USP12: variants seen among roughly 807,000 people sequenced by gnomAD.
USP12 encodes ubiquitin specific peptidase 12.
A neutral mutation model predicts 45.5 loss-of-function variants in USP12; 19 were observed. The ratio of observed to expected loss-of-function variants is 0.42; its 90% CI spans 0.29 to 0.61. USP12 has a LOEUF of 0.61. USP12 is among the 20% of genes least tolerant of loss of function. USP12 has a pLI of 0.22. For synonymous variants in USP12, 149 were observed against 148.8 expected (o/e 1.00, Z -0.01); for missense variants, 242 against 447.7 (o/e 0.54, Z 4.15).
In USP12 at chr13:27,171,789, G is replaced by C. The variant is rs1437668539; in HGVS notation, c.-150C>G. The stretch of plus-strand genomic sequence containing the variant: ...AGCCCGCTGGGCCGCCGCTGCCGTC[G>C]TCGCCGCCGGCGCTCAGGCACTCCC... On this transcript the variant is annotated 5_prime_UTR_variant, in exon 1 of 9. Coordinates refer to ENST00000282344, the MANE Select transcript of USP12 (RefSeq NM_182488.4). 3 of 262,344 alleles carry C rather than the reference G, an allele frequency of 1.1e-5. No homozygotes were observed. The highest frequency in any genetic ancestry group is 1.8e-5 in the Non-Finnish European group (3 of 169,284). The allele number at this position is 262,344 out of a possible 1,614,324, so 16.3% of individuals were successfully genotyped here.
chr13:27,093,594 A>G (rs1202763285), intron 4 of USP12, among the ~76,000 whole-genome samples: 3 of 152,238 alleles, frequency 2.0e-5, no homozygotes. Context: ...TCGTACAGCC[A>G]CTGTGGAAGA....
chr13:27,093,881 A>G (rs938156682), intron 4 of USP12, among the ~76,000 whole-genome samples: 1 of 152,234 alleles, frequency 6.6e-6, no homozygotes, highest in Non-Finnish European at 1.5e-5. Context: ...TTAAAAAGAC[A>G]TGGAAGAACC....
intron 1 of USP12, among the ~76,000 whole-genome samples, chr13:27,157,505 A>AT (rs1269883762): frequency 6.6e-6 from 1 of 152,144 alleles, no homozygotes; most frequent in African/African-American, 2.4e-5. Context: ...TACAAATGTG[A>AT]TTTTTAACAA....
chr13:27,123,046 C>T (rs890498134), intron 1 of USP12, among the ~76,000 whole-genome samples: 1 of 150,042 alleles, frequency 6.7e-6, no homozygotes, highest in Non-Finnish European at 1.5e-5. Flanking sequence ...GAGCCGAGAT[C>T]GCACCACTGC....
intron 3 of USP12, among the ~76,000 whole-genome samples, chr13:27,097,749 G>GT (rs1874658374): frequency 6.6e-6 from 1 of 152,110 alleles, no homozygotes; most frequent in Admixed American, 6.5e-5. Context: ...ACAACAATAG[G>GT]TTTTGTATTC....
intron 6 of USP12, among the ~76,000 whole-genome samples, chr13:27,082,469 T>G (rs1248268776): frequency 6.6e-6 from 1 of 152,228 alleles, no homozygotes; most frequent in Non-Finnish European, 1.5e-5. Flanking sequence ...AACTTCTCCA[T>G]TTGGCAATAA....
chr13:27,134,334 T>G (rs1443797590), intron 1 of USP12, among the ~76,000 whole-genome samples: 1 of 152,194 alleles, frequency 6.6e-6, no homozygotes, highest in African/African-American at 2.4e-5. Flanking sequence ...CACATTTGGC[T>G]TGCCATATAA....
chr13:27,082,717 T>A (rs1380981452), intron 6 of USP12, among the ~76,000 whole-genome samples: 1 of 152,192 alleles, frequency 6.6e-6, no homozygotes, highest in African/African-American at 2.4e-5. Flanking sequence ...ATTGTAAGGT[T>A]ATTAATTGGC....
In USP12 at chr13:27,067,957, C is replaced by G. The variant is rs1420000583; in HGVS notation, c.*1326G>C. Reference sequence around the variant, plus strand: ...CTTAAAACCCCCAACAGAATGAAGTCTTAGCAAACACAGATTTTAATTTCT... The same window carrying G: ...CTTAAAACCCCCAACAGAATGAAGTGTTAGCAAACACAGATTTTAATTTCT... On this transcript the variant is annotated 3_prime_UTR_variant, in exon 9 of 9. Coordinates refer to ENST00000282344, the MANE Select transcript of USP12 (RefSeq NM_182488.4). 5.9e-5 allele frequency: 9 copies of G among 152,080 alleles called. No individual in the cohort carries two copies. The highest frequency in any genetic ancestry group is 1.5e-5 in the Non-Finnish European group (1 of 68,022). The allele number at this position is 152,080 out of a possible 1,614,324, so 9.4% of individuals were successfully genotyped here.
chr13:27,120,278 C>G (rs569028847), intron 1 of USP12, among the ~76,000 whole-genome samples: 1 of 152,110 alleles, frequency 6.6e-6, no homozygotes, highest in Admixed American at 6.6e-5. Flanking sequence ...TTGAGAAGTA[C>G]GACCCTATCA....
At chr13:27,080,543 G>A (rs1873703446) in intron 6 of USP12, among the ~76,000 whole-genome samples, 1 of 152,140 alleles carries the variant, frequency 6.6e-6, no homozygotes, top group Non-Finnish European at 1.5e-5. Context: ...TCCCAGAAGT[G>A]GGGTCAGGCA....
intron 1 of USP12, 33 bp downstream of exon 1, chr13:27,171,559 G>T: frequency 8.3e-7 from 1 of 1,203,078 alleles, no homozygotes; most frequent in Non-Finnish European, 1.1e-6. Flanking sequence ...GAGAGGTCCC[G>T]GCAGCCCCGG....
At chr13:27,104,402 T>G (rs1875029948) in intron 3 of USP12, among the ~76,000 whole-genome samples, 1 of 152,016 alleles carries the variant, frequency 6.6e-6, no homozygotes, top group Non-Finnish European at 1.5e-5. Context: ...ATACATAAAT[T>G]TTCCACAAGG....
chr13:27,070,217 A>G (rs1444516181), intron 8 of USP12, among the ~76,000 whole-genome samples: 1 of 152,354 alleles, frequency 6.6e-6, no homozygotes, highest in South Asian at 2.1e-4. Context: ...AAATCATGCT[A>G]TGTGAGTCCA....
chr13:27,072,721 C>T lies in USP12; in HGVS notation c.933-1572G>A, dbSNP rs534496839. ...GAAGGGAGAGAGGGATGGGAAATCA[C>T]GAAATGGTGCCCAGTTTTGACATGG... On this transcript the variant is annotated intron_variant, in intron 7 of 8. Transcript: ENST00000282344. Among the ~76,000 whole-genome samples, 10 of 152,180 alleles carry T rather than the reference C, an allele frequency of 6.6e-5. No individual in the cohort carries two copies. The East Asian group carries it at 7.7e-4, about 12-fold the overall frequency.
At chr13:27,165,255 GAGAA>G (rs1878300937) in intron 1 of USP12, among the ~76,000 whole-genome samples, 1 of 152,014 alleles carries the variant, frequency 6.6e-6, no homozygotes, top group African/African-American at 2.4e-5. Context: ...ATTCAAAATA[GAGAA>G]AGAAGACAAT....
Position 27,079,262 on chromosome 13 carries a change from C to A in USP12, c.735-3874G>T, listed in dbSNP as rs1214714492. Among the ~76,000 whole-genome samples the A allele has an allele frequency of 1.4e-4, 21 of 151,938 alleles. 1 individual carries two copies. In the South Asian group the frequency reaches 3.8e-3, roughly 27 times the overall value. ...GAGGGAAGGAAACCAGGTAAGGATT[C>A]AATCTCAAGCAAAATCCCAGGAAGA... On this transcript the variant is annotated intron_variant, in intron 6 of 8. Coordinates refer to ENST00000282344, the MANE Select transcript of USP12 (RefSeq NM_182488.4).
In USP12 at chr13:27,087,598, C is replaced by T. The variant is rs534105174; in HGVS notation, c.734+2285G>A. On this transcript the variant is annotated intron_variant, in intron 6 of 8. Transcript: ENST00000282344. ...CACTAAGCGGGCTCAGGAACAATGA[C>T]ATCCCAATAGCAACGAGCACAACTG... Among the ~76,000 whole-genome samples the T allele has an allele frequency of 1.6e-4, 24 of 152,334 alleles. 1 individual carries two copies. The South Asian group carries it at 5.0e-3, about 32-fold the overall frequency.
intron 1 of USP12, among the ~76,000 whole-genome samples, chr13:27,140,580 A>G (rs1422086855): frequency 6.6e-6 from 1 of 152,210 alleles, no homozygotes; most frequent in African/African-American, 2.4e-5. Context: ...TATATACATC[A>G]TGTACCCTCA....
Sources: gnomAD v4.1 joint callset for allele counts (sites outside exome capture counted in the v4.1 genomes callset) on GRCh38, gnomAD v4.1.1 for gene constraint, MANE v1.5 for transcripts, NCBI Gene and HGNC (gene_info 2026-07-23, HGNC 2026-07-21) for gene names.